Variants in MINDY4 observed in about 807,000 individuals in gnomAD.
MINDY4 encodes MINDY lysine 48 deubiquitinase 4.
MINDY4 carries 68 observed loss-of-function variants against 87.0 expected under a neutral mutation model. The ratio of observed to expected loss-of-function variants is 0.78; its 90% CI spans 0.64 to 0.96. MINDY4 has a LOEUF of 0.96. Ranked by LOEUF, MINDY4 falls within the 40% of genes least tolerant of loss-of-function variation. The pLI is 0.00. For synonymous variants in MINDY4, 379 were observed against 363.2 expected, an observed-to-expected ratio of 1.04 and a Z score of -0.50; for missense variants, 919 against 928.2, an observed-to-expected ratio of 0.99 and a Z score of 0.13.
chr7:30,832,556 G>T (rs1234368101), intron 6 of MINDY4, among the ~76,000 whole-genome samples: 1 of 152,086 alleles, frequency 6.6e-6, no homozygotes, highest in Non-Finnish European at 1.5e-5. Context: ...AGGCTGGAGT[G>T]CAGTGGTGTA....
chr7:30,891,950 C>A lies in MINDY4; in HGVS notation c.2226-7C>A. ...TCTCTTTGTCTCTCTCCTCACTCTA[C>A]GCTTAGGTGGAAGGGGGCATCAGTG... On this transcript the variant is annotated splice_region_variant and splice_polypyrimidine_tract_variant and intron_variant, in intron 17 of 17. Coordinates refer to ENST00000265299, the MANE Select transcript of MINDY4 (RefSeq NM_032222.3). 6.2e-7 allele frequency: 1 copy of A among 1,614,020 alleles called. No homozygotes were observed.
chr7:30,819,961 G>A lies in MINDY4; in HGVS notation c.1074-8718G>A, dbSNP rs1788276043. 2.1e-5 allele frequency among the ~76,000 whole-genome samples: 3 copies of A among 143,404 alleles called. No homozygotes were observed. In the South Asian group the frequency reaches 6.7e-4, roughly 32 times the overall value. The allele number at this position is 143,404 out of a possible 152,430, so 94.1% of individuals were successfully genotyped here. The stretch of plus-strand genomic sequence containing the variant: ...CTGTCGCCCAGGCTGGAGTGCAGTG[G>A]CGGGATCTCGGCTCACTGCAAGCTC... On this transcript the variant is annotated intron_variant, in intron 5 of 17. Transcript: ENST00000265299.
intron 9 of MINDY4, among the ~76,000 whole-genome samples, chr7:30,842,027 A>T (rs148626293): frequency 6.6e-6 from 1 of 152,222 alleles, no homozygotes; most frequent in Non-Finnish European, 1.5e-5. Flanking sequence ...TGGTACTCCA[A>T]TGAAACACAT....
Position 30,839,198 on chromosome 7 carries a change from A to G in MINDY4, c.1240-2A>G, listed in dbSNP as rs950415430. 7 of 1,583,598 alleles carry G rather than the reference A, an allele frequency of 4.4e-6. No homozygotes were observed. The Admixed American group carries it at 1.1e-4, about 25-fold the overall frequency. On this transcript the variant is annotated splice_acceptor_variant, in intron 7 of 17. Transcript: ENST00000265299. LOFTEE classifies it high-confidence loss of function. ...CAGTAAAACTCTCTCTTCTTTTTAT[A>G]GGAAATAAAGACCCTTCTGTTTGGT...
At chr7:30,883,161 GCCCA>G (rs1176904103) in intron 17 of MINDY4, among the ~76,000 whole-genome samples, 168 bp downstream of exon 17, 1 of 152,156 alleles carries the variant, frequency 6.6e-6, no homozygotes, top group Non-Finnish European at 1.5e-5. Context: ...GGTCACTGGG[GCCCA>G]GGTTCAGGAG....
chr7:30,880,837 C>T (rs115057870), intron 15 of MINDY4, among the ~76,000 whole-genome samples: 1,786 of 152,184 alleles, frequency 0.012, 32 homozygotes, highest in African/African-American at 0.04. Context: ...AGGATGAGTG[C>T]GTTGTAAAGA....
chr7:30,791,463 A>C lies in MINDY4; in HGVS notation c.962A>C (p.Asp321Ala). The change falls in exon 5 of 18, where the codon GAC (aspartate) becomes GCC (alanine). Residue 321 changes from aspartate to alanine, a missense_variant. Asp to Ala is a moderately radical substitution (Grantham distance 126). Transcript: ENST00000265299. ...EDTPAVDGST[D>A]TDRMPLKLYL... Reference sequence around the variant, plus strand: ...ACCCCAGCAGTGGACGGCAGCACAGACACGGACAGGATGCCCTTGAAGCTC... The same window carrying C: ...ACCCCAGCAGTGGACGGCAGCACAGCCACGGACAGGATGCCCTTGAAGCTC... 6.2e-7 allele frequency: 1 copy of C among 1,614,104 alleles called. No homozygotes were observed. Among genetic ancestry groups the C allele is most frequent in the Non-Finnish European group, 8.5e-7 (1 of 1,180,006 alleles).
chr7:30,812,479 T>C (rs1788034003), intron 5 of MINDY4, among the ~76,000 whole-genome samples: 1 of 152,166 alleles, frequency 6.6e-6, no homozygotes, highest in Admixed American at 6.5e-5. Context: ...AGGATCTATC[T>C]CTTATCTCTG....
intron 1 of MINDY4, among the ~76,000 whole-genome samples, chr7:30,775,828 C>T (rs1042775948): frequency 8.5e-5 from 13 of 152,284 alleles, no homozygotes; most frequent in African/African-American, 3.1e-4. Context: ...TCATAATGTC[C>T]AAAACTCAAT....
At chr7:30,805,599 A>T (rs1379251175) in intron 5 of MINDY4, among the ~76,000 whole-genome samples, 1 of 152,020 alleles carries the variant, frequency 6.6e-6, no homozygotes, top group African/African-American at 2.4e-5. Flanking sequence ...TGGAGGCAGG[A>T]GGTTGCATTT....
At chr7:30,786,042 G>A (rs765029647) in intron 4 of MINDY4, 50 bp downstream of exon 4, 1 of 1,605,468 alleles carries the variant, frequency 6.2e-7, no homozygotes, top group Non-Finnish European at 8.5e-7. Flanking sequence ...CTGAGAACTG[G>A]GCTGGGCTTA....
chr7:30,863,871 T>G (rs1789847165), intron 13 of MINDY4, among the ~76,000 whole-genome samples: 1 of 152,262 alleles, frequency 6.6e-6, no homozygotes, highest in Non-Finnish European at 1.5e-5. Flanking sequence ...ATTTCATGCT[T>G]GCCAAGCTTT....
chr7:30,783,559 A>T (rs1371741728), intron 3 of MINDY4, among the ~76,000 whole-genome samples: 1 of 152,196 alleles, frequency 6.6e-6, no homozygotes, highest in African/African-American at 2.4e-5. Flanking sequence ...TCATGCAAAA[A>T]TTTAAAAAAT....
chr7:30,867,419 T>C (rs571123606), intron 13 of MINDY4, among the ~76,000 whole-genome samples: 1 of 152,324 alleles, frequency 6.6e-6, no homozygotes, highest in East Asian at 1.9e-4. Flanking sequence ...AAGTGACATT[T>C]ACCGAATGCC....
chr7:30,884,527 G>A (rs954021222), intron 17 of MINDY4, among the ~76,000 whole-genome samples: 30 of 152,194 alleles, frequency 2.0e-4, no homozygotes, highest in African/African-American at 6.5e-4. Context: ...GAGGCCACAG[G>A]GCATCCTTCC....
At chr7:30,807,128 G>A (rs1287958223) in intron 5 of MINDY4, among the ~76,000 whole-genome samples, 2 of 152,234 alleles carry the variant, frequency 1.3e-5, no homozygotes, top group African/African-American at 4.8e-5. Flanking sequence ...CCGAGACCAA[G>A]TATTTTGCCA....
At chr7:30,785,669 C>T (rs756029503) in intron 3 of MINDY4, 80 bp from the exon 4 acceptor site, 14 of 1,527,658 alleles carry the variant, frequency 9.2e-6, no homozygotes, top group Non-Finnish European at 1.3e-5. Flanking sequence ...TTTGAATGCA[C>T]ATTGAATGTG....
At chr7:30,873,753 G>A (rs1049100035) in intron 14 of MINDY4, among the ~76,000 whole-genome samples, 3 of 152,178 alleles carry the variant, frequency 2.0e-5, no homozygotes, top group Non-Finnish European at 4.4e-5. Context: ...CACAGATCAG[G>A]GAGCAGGGGC....
intron 1 of MINDY4, among the ~76,000 whole-genome samples, chr7:30,773,688 A>G (rs577696225): frequency 1.3e-5 from 2 of 152,200 alleles, no homozygotes; most frequent in South Asian, 4.2e-4. Flanking sequence ...ACCCTGCCCC[A>G]TGGTCATGAG....
Sources: gnomAD v4.1 joint callset for allele counts (sites outside exome capture counted in the v4.1 genomes callset) on GRCh38, gnomAD v4.1.1 for gene constraint, MANE v1.5 for transcripts, NCBI Gene and HGNC (gene_info 2026-07-23, HGNC 2026-07-21) for gene names.